PASK: variants seen among roughly 807,000 people sequenced by gnomAD.
PASK encodes PAS domain-containing serine/threonine-protein kinase.
In PASK, 110 loss-of-function variants were observed where a neutral mutation model predicts 121.0. The ratio of observed to expected loss-of-function variants is 0.91; its 90% CI spans 0.78 to 1.06. The LOEUF is 1.06. Among genes scored for constraint, PASK ranks in the 50% least tolerant of loss-of-function variants. The probability of loss-of-function intolerance (pLI) is 0.00; values close to 1 mark genes in which losing one functional copy is unlikely to be tolerated. For missense variants in PASK, 1,643 were observed against 1,702.3 expected (o/e 0.97, Z 0.61); for synonymous variants, 686 against 717.8 (o/e 0.96, Z 0.71).
chr2:241,119,617 C>T (rs1279361598), intron 12 of PASK, among the ~76,000 whole-genome samples: 6 of 152,184 alleles, frequency 3.9e-5, no homozygotes, highest in Middle Eastern at 3.4e-3. Context: ...CTACAGGTGC[C>T]CGCCACCACG....
intron 9 of PASK, among the ~76,000 whole-genome samples, chr2:241,131,646 C>A (rs1575303318): frequency 6.6e-6 from 1 of 152,168 alleles, no homozygotes; most frequent in Admixed American, 6.5e-5. Flanking sequence ...CCCAGGGCAG[C>A]AGGGTGTAGG....
At position 241,108,380 on chromosome 2, in the gene PASK, C is replaced by T; in HGVS notation, c.3534-80G>A. On this transcript the variant is annotated intron_variant, in intron 15 of 17. Coordinates refer to ENST00000234040, the MANE Select transcript of PASK (RefSeq NM_015148.4). The surrounding 1 kb of genome is among the most constrained non-coding windows in gnomAD (Gnocchi z 5.2). ...GCCCGCCCATGGGAAGCACCATGGC[C>T]CTTCCCGACCAGCACACAGGCCAGG... The T allele has an allele frequency of 7.0e-7, 1 of 1,422,078 alleles. No homozygotes were observed. The highest frequency in any genetic ancestry group is 9.8e-7 in the Non-Finnish European group (1 of 1,015,700). 88.1% of individuals were successfully genotyped at this position (1,422,078 alleles called of 1,614,324 possible). A position where few individuals can be genotyped will look rare whatever the true frequency, so the allele number is the denominator to read the frequency against.
At chr2:241,150,262 C>T, upstream of PASK, 1 of 1,296,480 alleles carries the variant, frequency 7.7e-7, no homozygotes, top group African/African-American at 1.5e-5. Flanking sequence ...TTCCCAGCTT[C>T]TCGCCTCCAG....
rs553635620 is a variant in PASK, at chr2:241,127,136, G to A, written c.1779C>T (p.Ala593=). The A allele has an allele frequency of 1.2e-5, 19 of 1,613,948 alleles. No homozygotes were observed. Among genetic ancestry groups the A allele is most frequent in the African/African-American group, 9.3e-5 (7 of 75,058 alleles). The change falls in exon 10 of 18, where the codon GCC becomes GCT. Residue 593 remains alanine, a synonymous_variant. Transcript: ENST00000234040. Reference sequence around the variant, plus strand: ...CCAGCTGACCCTTGGCCTGGGGCTTGGCCACGGCAGCCCCAGCCCAAAGGT... The same window carrying A: ...CCAGCTGACCCTTGGCCTGGGGCTTAGCCACGGCAGCCCCAGCCCAAAGGT... ...GSDLWAGAAV[A]KPQAKGQLAG...
chr2:241,108,453 C>T lies in PASK; in HGVS notation c.3534-153G>A. 1.3e-6 allele frequency: 1 copy of T among 759,860 alleles called. No individual in the cohort carries two copies. The highest frequency in any genetic ancestry group is 2.3e-6 in the Non-Finnish European group (1 of 443,120). The allele number at this position is 759,860 out of a possible 1,614,324, so 47.1% of individuals were successfully genotyped here. A position where few individuals can be genotyped will look rare whatever the true frequency, so the allele number is the denominator to read the frequency against. On this transcript the variant is annotated intron_variant, in intron 15 of 17. Coordinates refer to ENST00000234040, the MANE Select transcript of PASK (RefSeq NM_015148.4). The surrounding 1 kb of genome is among the most constrained non-coding windows in gnomAD (Gnocchi z 5.2). The stretch of plus-strand genomic sequence containing the variant: ...TCACTCCACCCCTCAAACACGCCCT[C>T]CATTTCCACGCACTTCTGCCCCAGG...
intron 14 of PASK, chr2:241,113,479 C>T (rs1465575103): frequency 6.6e-6 from 1 of 152,666 alleles, no homozygotes; most frequent in Non-Finnish European, 1.5e-5. Context: ...CACCTGCATA[C>T]ACACGTGTGC....
chr2:241,149,602 A>T (rs1485805923), upstream of PASK: 20 of 1,507,912 alleles, frequency 1.3e-5, no homozygotes, highest in Admixed American at 1.4e-4. Context: ...GTTGCTAGGG[A>T]CGCACCAAAC....
rs2125404340 is a variant in PASK at position 241,112,509 on chromosome 2, TG to T, written c.3334-71del. 1 of 964,478 alleles carries T rather than the reference TG, an allele frequency of 1.0e-6. No homozygotes were observed. Among genetic ancestry groups the T allele is most frequent in the African/African-American group, 2.0e-5 (1 of 48,990 alleles). The allele number at this position is 964,478 out of a possible 1,614,324, so 59.7% of individuals were successfully genotyped here. A position where few individuals can be genotyped will look rare whatever the true frequency, so the allele number is the denominator to read the frequency against. On this transcript the variant is annotated intron_variant, in intron 14 of 17. Transcript: ENST00000234040. The surrounding 1 kb of genome is among the most constrained non-coding windows in gnomAD (Gnocchi z 5.2). Reference sequence around the variant, plus strand: ...ACTAAAATATGCATTTAAAATAAACTGGAACAAAAAAAAACACAAAGAAAAA... The same window carrying T: ...ACTAAAATATGCATTTAAAATAAACTGAACAAAAAAAAACACAAAGAAAAA...
Position 241,138,036 on chromosome 2 carries a change from A to T in PASK, c.793T>A (p.Ser265Thr), listed in dbSNP as rs746072955. The T allele has an allele frequency of 1.2e-6, 2 of 1,614,158 alleles. No homozygotes were observed. The highest frequency in any genetic ancestry group is 1.7e-6 in the Non-Finnish European group (2 of 1,179,982). The change falls in exon 6 of 18, where the codon TCT (serine) becomes ACT (threonine). Residue 265 changes from serine (S) to threonine (T), a missense_variant. Ser to Thr is a moderately conservative substitution (Grantham distance 58). Around this residue, in one of 3 missense-constraint regions of PASK, gnomAD observed 1,176 missense variants for 1,162.2 expected, o/e 1.01. Transcript: ENST00000234040. ...TGCTGCCCAGCCACGTCCTCCCCAG[A>T]CACGTACCCGTGAAGATGAGCAAAG... The part of the protein sequence containing the change: ...SLFAHLHGYV[S>T]GEDVAGQHIT...
chr2:241,114,099 G>A, intron 14 of PASK: 1 of 985,358 alleles, frequency 1.0e-6, no homozygotes, highest in Non-Finnish European at 1.2e-6. Context: ...ACCTCATACA[G>A]ATACTCTGTT....
chr2:241,149,010 C>T (rs977153305), intron 1 of PASK, among the ~76,000 whole-genome samples: 9 of 151,418 alleles, frequency 5.9e-5, no homozygotes, highest in Non-Finnish European at 1.0e-4. Flanking sequence ...CCGCAGGGAC[C>T]CACACGCCCA....
At chr2:241,146,119 A>G (rs1039652345) in intron 1 of PASK, among the ~76,000 whole-genome samples, 4 of 152,178 alleles carry the variant, frequency 2.6e-5, no homozygotes, top group Non-Finnish European at 1.5e-5. Flanking sequence ...TAAAAGACAC[A>G]TGGCCCAATA....
In PASK at chr2:241,142,817, C is replaced by T. The variant is rs377512088; in HGVS notation, c.196+20G>A. The T allele has an allele frequency of 3.3e-5, 52 of 1,562,270 alleles. No individual in the cohort carries two copies. Among genetic ancestry groups the T allele is most frequent in the Non-Finnish European group, 4.2e-5 (48 of 1,134,172 alleles). Reference sequence around the variant, plus strand: ...TTGTATTTCCACGCGCTAAGGCCTGCAGTGGTCGAAGGTCATTACCAGAGA... The same window carrying T: ...TTGTATTTCCACGCGCTAAGGCCTGTAGTGGTCGAAGGTCATTACCAGAGA... On this transcript the variant is annotated intron_variant, in intron 2 of 17. Coordinates refer to ENST00000234040, the MANE Select transcript of PASK (RefSeq NM_015148.4).
chr2:241,127,495 G>A (rs1217984401), intron 9 of PASK, 44 bp from the exon 10 acceptor site: 3 of 1,414,590 alleles, frequency 2.1e-6, no homozygotes, highest in Non-Finnish European at 3.0e-6. Context: ...GGCCACAGAT[G>A]AGTCAAAAGG....
chr2:241,106,325 A>G lies in PASK; in HGVS notation c.*241T>C, dbSNP rs911943521. 1 of 564,322 alleles carries G rather than the reference A, an allele frequency of 1.8e-6. No individual in the cohort carries two copies. The highest frequency in any genetic ancestry group is 3.2e-6 in the Non-Finnish European group (1 of 316,764). The allele number at this position is 564,322 out of a possible 1,614,324, so 35.0% of individuals were successfully genotyped here. On this transcript the variant is annotated 3_prime_UTR_variant, in exon 18 of 18. Transcript: ENST00000234040. ...AAATTAAAAGCCCTTTAATAATATA[A>G]AACAGTTGAACACTGGAATGTTTTT... is the stretch of plus-strand genomic sequence containing the variant.
Position 241,140,202 on chromosome 2 carries a change from G to A in PASK, c.430-147C>T, listed in dbSNP as rs570439931. The A allele has an allele frequency of 9.3e-3, 5,278 of 569,272 alleles. 34 individuals carry two copies. Among genetic ancestry groups the A allele is most frequent in the Admixed American group, 0.013 (415 of 33,032 alleles). 35.3% of individuals were successfully genotyped at this position (569,272 alleles called of 1,614,324 possible). ...GTTGCCCAGGCTGGAGTGCAGTGGC[G>A]CAATCAGAGCTCACTGCAGCGGCGC... On this transcript the variant is annotated intron_variant, in intron 3 of 17. Coordinates refer to ENST00000234040, the MANE Select transcript of PASK (RefSeq NM_015148.4).
At chr2:241,149,173 C>G (rs1246619500) in intron 1 of PASK, among the ~76,000 whole-genome samples, 2 of 152,140 alleles carry the variant, frequency 1.3e-5, no homozygotes, top group Non-Finnish European at 2.9e-5. Context: ...CCCGAAGACG[C>G]TGGGGGCGCG....
In PASK at chr2:241,127,452, C is replaced by G. The variant is rs974346286; in HGVS notation, c.1464-1G>C. The G allele has an allele frequency of 8.1e-6, 13 of 1,611,714 alleles. No homozygotes were observed. Among genetic ancestry groups the G allele is most frequent in the African/African-American group, 8.0e-5 (6 of 74,858 alleles). ...GCTTCCTTCTGGGACATTGTCCACC[C>G]TGGGGATAATGACATGGGTGACCAT... On this transcript the variant is annotated splice_acceptor_variant, in intron 9 of 17. Transcript: ENST00000234040. LOFTEE classifies it high-confidence loss of function.
chr2:241,119,028 G>A, intron 12 of PASK: 1 of 756,426 alleles, frequency 1.3e-6, no homozygotes, highest in South Asian at 6.0e-5. Context: ...CCCGTTCCCA[G>A]CCCTGAGGCC....
Sources: gnomAD v4.1 joint callset for allele counts (sites outside exome capture counted in the v4.1 genomes callset) on GRCh38, gnomAD v4.1.1 for gene constraint, gnomAD v4.1.1 regional missense constraint, Gnocchi (gnomAD v3.1) non-coding constraint, MANE v1.5 for transcripts, NCBI Gene and HGNC (gene_info 2026-07-23, HGNC 2026-07-21) for gene names.